Variants in GLIS1 observed in about 807,000 individuals in gnomAD.
GLIS1 encodes the protein zinc finger protein GLIS1.
In GLIS1, 24 loss-of-function variants were observed where a neutral mutation model predicts 63.8. That is an observed-to-expected ratio of 0.38 (90% CI 0.27 to 0.53). GLIS1 has a LOEUF of 0.53. Among genes scored for constraint, GLIS1 ranks in the 20% least tolerant of loss-of-function variants. The pLI is 0.85. For synonymous variants in GLIS1, 450 were observed against 482.5 expected, an observed-to-expected ratio of 0.93 and a Z score of 0.88; for missense variants, 1,036 against 1,074.1, an observed-to-expected ratio of 0.96 and a Z score of 0.50.
chr1:53,651,873 C>CAAAA (rs1218432150), intron 2 of GLIS1, among the ~76,000 whole-genome samples: 16 of 91,416 alleles, frequency 1.8e-4, no homozygotes, highest in African/African-American at 4.9e-4. Flanking sequence ...GATCTTGTCT[C>CAAAA]AAAAAAAAAA....
chr1:53,632,807 G>A (rs1645675084), intron 2 of GLIS1, among the ~76,000 whole-genome samples: 1 of 149,230 alleles, frequency 6.7e-6, no homozygotes, highest in Non-Finnish European at 1.5e-5. Flanking sequence ...GAAAGGGGGA[G>A]TGAGAGAGGT....
At chr1:53,576,675 AGCT>A (rs1448609973) in intron 4 of GLIS1, among the ~76,000 whole-genome samples, 1 of 152,156 alleles carries the variant, frequency 6.6e-6, no homozygotes, top group African/African-American at 2.4e-5. Context: ...CCTGGATTCC[AGCT>A]GCTAAGAAGG....
intron 6 of GLIS1, among the ~76,000 whole-genome samples, chr1:53,521,376 G>T (rs1644407385): frequency 6.6e-6 from 1 of 152,100 alleles, no homozygotes; most frequent in Admixed American, 6.5e-5. Context: ...TTCCTTCTTG[G>T]TACAAGGTTC....
At chr1:53,551,186 ATG>A (rs1644755785) in intron 4 of GLIS1, among the ~76,000 whole-genome samples, 1 of 152,142 alleles carries the variant, frequency 6.6e-6, no homozygotes, top group African/African-American at 2.4e-5. Flanking sequence ...AGCCCTCACT[ATG>A]TGCCCGGCAT....
At chr1:53,520,856 G>A in intron 6 of GLIS1, 90 bp from the exon 7 acceptor site, 2 of 1,393,946 alleles carry the variant, frequency 1.4e-6, no homozygotes, top group East Asian at 2.6e-5. Flanking sequence ...AGAAAGGACT[G>A]CAGCCCCAGG....
intron 2 of GLIS1, among the ~76,000 whole-genome samples, chr1:53,664,585 C>A (rs1266522152): frequency 6.6e-6 from 1 of 152,214 alleles, no homozygotes; most frequent in Non-Finnish European, 1.5e-5. Flanking sequence ...AGGCACCATT[C>A]TAGGCCCTGG....
chr1:53,544,843 C>T (rs114397291), intron 4 of GLIS1, among the ~76,000 whole-genome samples: 41 of 152,346 alleles, frequency 2.7e-4, no homozygotes, highest in Admixed American at 4.6e-4. Context: ...TCTGGGTTCA[C>T]CCTAGCCCAG....
chr1:53,704,633 G>A (rs1384004855), intron 2 of GLIS1, among the ~76,000 whole-genome samples: 1 of 152,218 alleles, frequency 6.6e-6, no homozygotes, highest in Non-Finnish European at 1.5e-5. Flanking sequence ...GTAGTGCTGT[G>A]TGAGCCCATC....
chr1:53,534,543 G>A (rs1644563453), intron 4 of GLIS1, among the ~76,000 whole-genome samples: 1 of 152,048 alleles, frequency 6.6e-6, no homozygotes, highest in East Asian at 1.9e-4. Flanking sequence ...CAGGGGCACT[G>A]AGCCTGAGCT....
At chr1:53,724,660 A>C (rs12059719) in intron 2 of GLIS1, among the ~76,000 whole-genome samples, 36,398 of 151,924 alleles carry the variant, frequency 0.24, 4,403 homozygotes, top group African/African-American at 0.28. Context: ...CTGAGACTAC[A>C]GGTGCACACC....
intron 2 of GLIS1, among the ~76,000 whole-genome samples, chr1:53,671,902 T>C (rs951641147): frequency 6.6e-6 from 1 of 152,160 alleles, no homozygotes; most frequent in African/African-American, 2.4e-5. Context: ...CTCCTTCCCC[T>C]CCTTCTCAAC....
chr1:53,521,836 T>TCCCAGTG (rs1644412611), intron 6 of GLIS1, among the ~76,000 whole-genome samples: 1 of 152,186 alleles, frequency 6.6e-6, no homozygotes, highest in Non-Finnish European at 1.5e-5. Context: ...GGACACTGGA[T>TCCCAGTG]GATGACTGGG....
chr1:53,665,210 A>T (rs1241180933), intron 2 of GLIS1, among the ~76,000 whole-genome samples: 1 of 152,088 alleles, frequency 6.6e-6, no homozygotes, highest in Non-Finnish European at 1.5e-5. Context: ...GTCAGGAAAG[A>T]GCAAGATTTG....
At position 53,594,407 on chromosome 1, in the gene GLIS1, G is replaced by T. The variant is rs760192516; in HGVS notation, c.1021C>A (p.Pro341Thr). 1 of 1,612,262 alleles carries T rather than the reference G, an allele frequency of 6.2e-7. No individual in the cohort carries two copies. Among genetic ancestry groups the T allele is most frequent in the South Asian group, 1.1e-5 (1 of 91,030 alleles). The change falls in exon 4 of 11, where the codon CCC becomes ACC. Residue 341 changes from proline to threonine, a missense_variant. Pro to Thr is a conservative substitution (Grantham distance 38). Around this residue, in one of 3 missense-constraint regions of GLIS1, gnomAD observed 592 missense variants for 593.9 expected, o/e 1.00. Transcript: ENST00000628545. ...GGCAACTGAGACAGGGGATAGGGGG[G>T]CGGCAGGCCCTGCTGGTGAGGCCCA... ...LFGPHQQGLP[P>T]PYPLSQLPPG...
intron 2 of GLIS1, among the ~76,000 whole-genome samples, chr1:53,703,625 T>A (rs1646546909): frequency 7.5e-6 from 1 of 132,754 alleles, no homozygotes; most frequent in South Asian, 2.3e-4. Flanking sequence ...GATGACAGAG[T>A]GAGACCCTGT....
Position 53,632,455 on chromosome 1 carries a change from C to T in GLIS1, c.260-32177G>A, listed in dbSNP as rs1464469415. Among the ~76,000 whole-genome samples the T allele has an allele frequency of 1.2e-4, 14 of 118,002 alleles. No individual in the cohort carries two copies. The Admixed American group carries it at 1.2e-3, about 10-fold the overall frequency. The allele number at this position is 118,002 out of a possible 152,430, so 77.4% of individuals were successfully genotyped here. On this transcript the variant is annotated intron_variant, in intron 2 of 10. Transcript: ENST00000628545. ...TGACTGAGGGGTGTAATGAGTGTGA[C>T]TGGGGCATGTGAATGGGTGTGACTG... is the stretch of plus-strand genomic sequence containing the variant.
chr1:53,528,619 G>A (rs1644495988), intron 5 of GLIS1, among the ~76,000 whole-genome samples: 1 of 152,118 alleles, frequency 6.6e-6, no homozygotes, highest in Non-Finnish European at 1.5e-5. Flanking sequence ...ATCTTTTCTG[G>A]ATCTCGGTTT....
chr1:53,507,203 A>G (rs191129130), intron 10 of GLIS1, among the ~76,000 whole-genome samples: 39 of 152,282 alleles, frequency 2.6e-4, no homozygotes, highest in Admixed American at 2.5e-3. Context: ...AAGAAACTCA[A>G]AGAAGGCCAC....
Position 53,509,240 on chromosome 1 carries a change from C to G in GLIS1, c.2110G>C (p.Asp704His). 6.3e-7 allele frequency: 1 copy of G among 1,595,620 alleles called. No individual in the cohort carries two copies. Among genetic ancestry groups the G allele is most frequent in the Non-Finnish European group, 8.5e-7 (1 of 1,171,340 alleles). Residue 704 changes from aspartate to histidine, a missense_variant, in exon 10 of 11, where the codon GAC becomes CAC. Physicochemically the swap from Asp to His is moderately conservative, Grantham distance 81. Around this residue, in one of 3 missense-constraint regions of GLIS1, gnomAD observed 400 missense variants for 400.9 expected, o/e 1.00. Coordinates refer to ENST00000628545, the MANE Select transcript of GLIS1 (RefSeq NM_001367484.1). ...GCTGGTTCAGCCATCCGGTAGCAGT[C>G]GCCATAGGGGAAGCAACTCTGGATG... ...HSIQSCFPYGDCYRMAEPAAG... is the reference protein window; with the variant it reads ...HSIQSCFPYGHCYRMAEPAAG...
Sources: gnomAD v4.1 joint callset for allele counts (sites outside exome capture counted in the v4.1 genomes callset) on GRCh38, gnomAD v4.1.1 for gene constraint, gnomAD v4.1.1 regional missense constraint, MANE v1.5 for transcripts, NCBI Gene and HGNC (gene_info 2026-07-23, HGNC 2026-07-21) for gene names.